The following L3MBTL1 variants were observed in gnomAD, a reference collection of about 807,000 sequenced individuals.
L3MBTL1 encodes the protein L3MBTL histone methyl-lysine binding protein 1, also known as lethal(3)malignant brain tumor-like protein 1.
A neutral mutation model predicts 105.3 loss-of-function variants in L3MBTL1; 75 were observed. That is an observed-to-expected ratio of 0.71 (90% CI 0.59 to 0.86). The LOEUF (loss-of-function observed/expected upper bound fraction) is 0.86. L3MBTL1 is among the 40% of genes least tolerant of loss of function. The pLI is 0.00. For missense variants in L3MBTL1, 1,069 were observed against 1,126.4 expected, an observed-to-expected ratio of 0.95 and a Z score of 0.73; for synonymous variants, 452 against 436.2, an observed-to-expected ratio of 1.04 and a Z score of -0.45.
intron 20 of L3MBTL1, 98 bp from the exon 21 acceptor site, chr20:43,540,655 C>T: frequency 1.7e-6 from 2 of 1,159,134 alleles, no homozygotes; most frequent in Non-Finnish European, 2.5e-6. Context: ...GAAAAAGCAG[C>T]ATTGGCACAG....
rs139481375 is a variant in L3MBTL1 at position 43,515,078 on chromosome 20, G to T, written c.572G>T (p.Cys191Phe). 1.4e-5 allele frequency: 23 copies of T among 1,614,066 alleles called. No homozygotes were observed. Among genetic ancestry groups the T allele is most frequent in the Admixed American group, 1.7e-5 (1 of 60,008 alleles). ...DPPEDDSTCQ[C>F]QACGPHQAAG... Reference sequence around the variant, plus strand: ...CCAGAGGATGATAGCACCTGTCAGTGCCAGGCGTGCGGGCCTCACCAAGCC... The same window carrying T: ...CCAGAGGATGATAGCACCTGTCAGTTCCAGGCGTGCGGGCCTCACCAAGCC... Residue 191 changes from cysteine (C) to phenylalanine (F), a missense_variant, in exon 5 of 22, where the codon TGC becomes TTC. Coordinates refer to ENST00000418998, the MANE Select transcript of L3MBTL1 (RefSeq NM_001377303.1).
chr20:43,515,627 A>G lies in L3MBTL1; in HGVS notation c.777+212A>G, dbSNP rs75049661. 6.7e-3 allele frequency: 4,017 copies of G among 598,392 alleles called. 19 individuals are homozygous for G. The highest frequency in any genetic ancestry group is 9.3e-3 in the Non-Finnish European group (3,289 of 352,360). The allele number at this position is 598,392 out of a possible 1,614,324, so 37.1% of individuals were successfully genotyped here. A position where few individuals can be genotyped will look rare whatever the true frequency, so the allele number is the denominator to read the frequency against. ...ACTCTCTTGATTTTCCAGAGCTCCC[A>G]TCTCAGTTTAGTGTCAAGGTTAAGA... On this transcript the variant is annotated intron_variant, in intron 6 of 21. Coordinates refer to ENST00000418998, the MANE Select transcript of L3MBTL1 (RefSeq NM_001377303.1).
chr20:43,530,562 A>ATGAAGGCAT (rs2019281469), intron 10 of L3MBTL1, 143 bp downstream of exon 10: 1 of 1,007,954 alleles, frequency 9.9e-7, no homozygotes, highest in East Asian at 2.6e-5. Context: ...TCGCATCCTG[A>ATGAAGGCAT]TGACTCTGCG....
chr20:43,512,445 A>C (rs1051848727), intron 1 of L3MBTL1, among the ~76,000 whole-genome samples: 1 of 152,226 alleles, frequency 6.6e-6, no homozygotes, highest in Non-Finnish European at 1.5e-5. Flanking sequence ...TCCTGGGCTC[A>C]AGCCATCCTC....
chr20:43,513,413 C>T lies in L3MBTL1; in HGVS notation c.-28-63C>T, dbSNP rs376064349. The T allele has an allele frequency of 2.7e-6, 4 of 1,471,618 alleles. No homozygotes were observed. The South Asian group carries it at 4.0e-5, about 15-fold the overall frequency. 91.2% of individuals were successfully genotyped at this position (1,471,618 alleles called of 1,614,324 possible). A position where few individuals can be genotyped will look rare whatever the true frequency, so the allele number is the denominator to read the frequency against. ...TCAAAGAAGCCCCATCCCTTCACAT[C>T]TCCATTGCTGCTGTAACAAAGGTCC... On this transcript the variant is annotated intron_variant, in intron 1 of 21. Transcript: ENST00000418998.
chr20:43,528,733 C>T lies in L3MBTL1; in HGVS notation c.939C>T (p.Ser313=). ...EEQKAITAPV[S]LFQDSQAVTH... ...AGAAGGCCATTACTGCTCCAGTCAG[C>T]CTCTTCCAGGACGTGAGTTGGACAA... The change falls in exon 8 of 22, where the codon AGC becomes AGT. Residue 313 remains serine, a synonymous_variant. Coordinates refer to ENST00000418998, the MANE Select transcript of L3MBTL1 (RefSeq NM_001377303.1). The T allele has an allele frequency of 1.2e-6, 2 of 1,613,222 alleles. No homozygotes were observed. Among genetic ancestry groups the T allele is most frequent in the Non-Finnish European group, 1.7e-6 (2 of 1,179,200 alleles).
At chr20:43,538,314 T>C (rs2019734191) in intron 19 of L3MBTL1, among the ~76,000 whole-genome samples, 1 of 152,170 alleles carries the variant, frequency 6.6e-6, no homozygotes, top group South Asian at 2.1e-4. Context: ...GGCTGTAGAA[T>C]TCTTGGGAAG....
At chr20:43,548,214 T>G (rs1177362627) in exon 19 of L3MBTL1, 4 of 1,304,288 alleles carry the variant, frequency 3.1e-6, no homozygotes, top group Non-Finnish European at 4.0e-6. Context: ...GCCATTCTCA[T>G]GTTCAAAAAC....
chr20:43,527,252 A>T (rs528673207), intron 7 of L3MBTL1, among the ~76,000 whole-genome samples: 51 of 152,368 alleles, frequency 3.3e-4, no homozygotes, highest in African/African-American at 1.2e-3. Context: ...ATAGAGGTGT[A>T]GAAGTTTCTA....
intron 7 of L3MBTL1, among the ~76,000 whole-genome samples, chr20:43,518,018 C>T (rs1007307876): frequency 6.6e-6 from 1 of 152,208 alleles, no homozygotes; most frequent in Admixed American, 6.5e-5. Context: ...GGCTCAACTA[C>T]TGTATCTTAC....
Position 43,534,723 on chromosome 20 carries a change from A to G in L3MBTL1, c.1711-105A>G, listed in dbSNP as rs188584113. On this transcript the variant is annotated intron_variant, in intron 15 of 21. Transcript: ENST00000418998. The stretch of plus-strand genomic sequence containing the variant: ...CAGGGTTGGCCCCTTGGTTCTTTCA[A>G]TCCAGGATCTTGCTTCTGACAGGTC... 8.3e-5 allele frequency: 64 copies of G among 774,160 alleles called. No homozygotes were observed. The Admixed American group carries it at 1.3e-3, about 16-fold the overall frequency. 48.0% of individuals were successfully genotyped at this position (774,160 alleles called of 1,614,324 possible).
chr20:43,526,971 A>G (rs1442008252), intron 7 of L3MBTL1, among the ~76,000 whole-genome samples: 1 of 152,088 alleles, frequency 6.6e-6, no homozygotes, highest in African/African-American at 2.4e-5. Flanking sequence ...AAAACAAAAA[A>G]CAGGTGCCTC....
rs1490097814 is a variant in L3MBTL1 at position 43,514,655 on chromosome 20, G to A, written c.381G>A (p.Lys127=). 1 of 1,596,984 alleles carries A rather than the reference G, an allele frequency of 6.3e-7. No homozygotes were observed. The highest frequency in any genetic ancestry group is 8.5e-7 in the Non-Finnish European group (1 of 1,172,084). ...TCCAGTTCCGGATAAGCGAGTATAA[G>A]CCGCTGAACATGGCGGGAGTGGAGC... ...GGLRFRISEY[K]PLNMAGVEQP... The change falls in exon 4 of 22, where the codon AAG becomes AAA. Residue 127 remains lysine (K), a synonymous_variant. Transcript: ENST00000418998.
chr20:43,531,053 G>A, intron 11 of L3MBTL1, 164 bp downstream of exon 11: 1 of 628,568 alleles, frequency 1.6e-6, no homozygotes, highest in Non-Finnish European at 2.8e-6. Flanking sequence ...GCAGGGTCCA[G>A]GGCCAGAGAT....
chr20:43,548,253 A>T (rs895924548), exon 19 of L3MBTL1: 1 of 1,302,616 alleles, frequency 7.7e-7, no homozygotes, highest in Non-Finnish European at 1.0e-6. Context: ...TGACTGGCCC[A>T]GGGCTGGGCC....
intron 3 of L3MBTL1, 59 bp downstream of exon 3, chr20:43,514,120 C>T: frequency 7.1e-7 from 1 of 1,399,588 alleles, no homozygotes; most frequent in East Asian, 2.5e-5. Context: ...GCGGGGCTTG[C>T]AGGCCCGGAG....
chr20:43,515,929 A>G, intron 6 of L3MBTL1, 164 bp from the exon 7 acceptor site: 1 of 600,010 alleles, frequency 1.7e-6, no homozygotes, highest in Non-Finnish European at 3.0e-6. Context: ...TGATAGGGGG[A>G]TGTCTGCTGG....
chr20:43,516,205 C>T (rs376172043), intron 7 of L3MBTL1, 28 bp downstream of exon 7: 180 of 1,557,660 alleles, frequency 1.2e-4, no homozygotes, highest in Non-Finnish European at 1.5e-4. Flanking sequence ...TATATATATT[C>T]GTGTGAGGTG....
At chr20:43,534,215 G>T in intron 14 of L3MBTL1, 69 bp from the exon 15 acceptor site, 1 of 1,550,962 alleles carries the variant, frequency 6.4e-7, no homozygotes. Context: ...CACAGCATTT[G>T]GGCTCCCTCT....
Sources: gnomAD v4.1 joint callset for allele counts (sites outside exome capture counted in the v4.1 genomes callset) on GRCh38, gnomAD v4.1.1 for gene constraint, MANE v1.5 for transcripts, NCBI Gene and HGNC (gene_info 2026-07-23, HGNC 2026-07-21) for gene names.